Variants in EXT1 observed in about 807,000 individuals in gnomAD.
EXT1 encodes exostosin glycosyltransferase 1.
EXT1 carries 20 observed loss-of-function variants against 82.5 expected under a neutral mutation model. The observed-to-expected ratio is 0.24, with a 90% CI of 0.17 to 0.35. EXT1 has a LOEUF of 0.35. EXT1 is among the 10% of genes least tolerant of loss of function. EXT1 has a pLI of 1.00. For missense variants in EXT1, 757 were observed against 936.5 expected, an observed-to-expected ratio of 0.81 and a Z score of 2.50; for synonymous variants, 348 against 350.8, an observed-to-expected ratio of 0.99 and a Z score of 0.09.
At chr8:117,936,524 C>A (rs1178342476) in intron 1 of EXT1, among the ~76,000 whole-genome samples, 1 of 152,208 alleles carries the variant, frequency 6.6e-6, no homozygotes, top group Admixed American at 6.5e-5. Context: ...ACCACCATCA[C>A]CACTTGGGAA....
At chr8:117,991,349 G>C (rs1398762244) in intron 1 of EXT1, among the ~76,000 whole-genome samples, 1 of 152,134 alleles carries the variant, frequency 6.6e-6, no homozygotes, top group African/African-American at 2.4e-5. Flanking sequence ...CGACCAGCTT[G>C]CTGCCACTGA....
At chr8:117,811,351 T>C (rs1823320152) in intron 8 of EXT1, among the ~76,000 whole-genome samples, 1 of 152,198 alleles carries the variant, frequency 6.6e-6, no homozygotes, top group Non-Finnish European at 1.5e-5. Context: ...TGTCTTTCCC[T>C]ATGAATGTTA....
chr8:117,929,949 A>G (rs1266245191), intron 1 of EXT1, among the ~76,000 whole-genome samples: 1 of 152,136 alleles, frequency 6.6e-6, no homozygotes, highest in Non-Finnish European at 1.5e-5. Context: ...CTCTACTAAA[A>G]ACACAAAAAT....
intron 1 of EXT1, among the ~76,000 whole-genome samples, chr8:117,955,113 G>A (rs1331095805): frequency 6.6e-6 from 1 of 152,178 alleles, no homozygotes; most frequent in Non-Finnish European, 1.5e-5. Context: ...CACATGAACA[G>A]CCAGATGAAG....
chr8:117,816,639 A>G (rs1811825596), intron 7 of EXT1, among the ~76,000 whole-genome samples: 1 of 152,206 alleles, frequency 6.6e-6, no homozygotes, highest in Non-Finnish European at 1.5e-5. Flanking sequence ...CATCTGATAA[A>G]GCCCACGAGA....
At chr8:117,916,939 T>C (rs1300522898) in intron 1 of EXT1, among the ~76,000 whole-genome samples, 2 of 151,716 alleles carry the variant, frequency 1.3e-5, no homozygotes, top group African/African-American at 2.4e-5. Context: ...AAAAATAAAG[T>C]TTAACAATAC....
chr8:118,022,065 G>A (rs1386049117), intron 1 of EXT1, among the ~76,000 whole-genome samples: 2 of 152,070 alleles, frequency 1.3e-5, no homozygotes, highest in African/African-American at 4.8e-5. Context: ...TGCGTAGAGA[G>A]AGAGCTGGGT....
At chr8:117,932,461 C>G (rs551121475) in intron 1 of EXT1, among the ~76,000 whole-genome samples, 44 of 152,230 alleles carry the variant, frequency 2.9e-4, no homozygotes, top group Non-Finnish European at 5.6e-4. Context: ...AAATGCTATA[C>G]CATACAACTG....
intron 7 of EXT1, among the ~76,000 whole-genome samples, chr8:117,813,278 C>G (rs1056057682): frequency 9.2e-5 from 14 of 152,032 alleles, no homozygotes; most frequent in African/African-American, 3.1e-4. Context: ...TTGCTTGATA[C>G]AAAAAATGCC....
chr8:118,058,279 A>T (rs1816827436), intron 1 of EXT1, among the ~76,000 whole-genome samples: 1 of 152,230 alleles, frequency 6.6e-6, no homozygotes, highest in East Asian at 1.9e-4. Context: ...ATTGTTTAGT[A>T]GCCACACTAC....
At chr8:117,991,311 T>C (rs1212351554) in intron 1 of EXT1, among the ~76,000 whole-genome samples, 1 of 152,076 alleles carries the variant, frequency 6.6e-6, no homozygotes, top group Non-Finnish European at 1.5e-5. Context: ...ATAAAGTGCA[T>C]GATGTCTGCA....
chr8:118,101,584 A>T lies in EXT1; in HGVS notation c.962+8501T>A, dbSNP rs189208580. On this transcript the variant is annotated intron_variant, in intron 1 of 10. Transcript: ENST00000378204. Reference sequence around the variant, plus strand: ...ACCTAGGTAAGGCCTGCAGATTCTGAAATCCCAGGCAAGGTTATATGCACA... The same window carrying T: ...ACCTAGGTAAGGCCTGCAGATTCTGTAATCCCAGGCAAGGTTATATGCACA... Among the ~76,000 whole-genome samples, 203 of 152,342 alleles carry T rather than the reference A, an allele frequency of 1.3e-3. 1 individual carries two copies. Among genetic ancestry groups the T allele is most frequent in the African/African-American group, 4.5e-3 (189 of 41,580 alleles).
chr8:118,096,086 T>A (rs775857778), intron 1 of EXT1, among the ~76,000 whole-genome samples: 1 of 152,226 alleles, frequency 6.6e-6, no homozygotes, highest in Non-Finnish European at 1.5e-5. Flanking sequence ...TAGCAGAGTT[T>A]GAACGTAACC....
rs17452694 is a variant in EXT1 at position 117,836,907 on chromosome 8, T to C, written c.1056+201A>G. On this transcript the variant is annotated intron_variant, in intron 2 of 10. Coordinates refer to ENST00000378204, the MANE Select transcript of EXT1 (RefSeq NM_000127.3). The stretch of plus-strand genomic sequence containing the variant: ...CCAGAAGAATCCACCATTTAATTTC[T>C]TACATCTAAAATTACTGAGTAAATC... 0.25 allele frequency among the ~76,000 whole-genome samples: 38,594 copies of C among 152,110 alleles called. 4,955 individuals carry two copies. Among genetic ancestry groups the C allele is most frequent in the African/African-American group, 0.28 (11,510 of 41,498 alleles).
chr8:118,073,806 CAT>C (rs1563647906), intron 1 of EXT1, among the ~76,000 whole-genome samples: 1 of 152,230 alleles, frequency 6.6e-6, no homozygotes, highest in Non-Finnish European at 1.5e-5. Flanking sequence ...ATATTAATAA[CAT>C]ATAGCTATGA....
intron 8 of EXT1, 83 bp downstream of exon 8, chr8:117,812,789 G>A (rs936844299): frequency 1.4e-5 from 17 of 1,255,376 alleles, no homozygotes; most frequent in Middle Eastern, 2.3e-4. Flanking sequence ...GCCAAGGCAC[G>A]GCTAAAAGAA....
intron 1 of EXT1, among the ~76,000 whole-genome samples, chr8:117,883,440 T>C (rs1246005096): frequency 6.6e-6 from 1 of 152,214 alleles, no homozygotes; most frequent in Non-Finnish European, 1.5e-5. Context: ...GGCTTATCCT[T>C]ATTGCCCTGG....
chr8:118,038,364 T>G (rs1816464152), intron 1 of EXT1, among the ~76,000 whole-genome samples: 1 of 152,178 alleles, frequency 6.6e-6, no homozygotes, highest in Non-Finnish European at 1.5e-5. Flanking sequence ...CAAAGGATAT[T>G]TGCCTATTTG....
intron 8 of EXT1, among the ~76,000 whole-genome samples, chr8:117,809,218 A>AACATATATAT (rs71569748): frequency 4.1e-4 from 44 of 107,938 alleles, no homozygotes; most frequent in African/African-American, 1.3e-3. Context: ...TGTGTGTATA[A>AACATATATAT]ATATATATAT....
Sources: allele counts gnomAD v4.1 joint callset (sites outside exome capture counted in the v4.1 genomes callset), GRCh38; gene constraint gnomAD v4.1.1; transcripts MANE v1.5; gene names NCBI Gene and HGNC (gene_info 2026-07-23, HGNC 2026-07-21).